TMTC1: variants seen among roughly 807,000 people sequenced by gnomAD.
TMTC1 encodes protein O-mannosyl-transferase TMTC1.
A neutral mutation model predicts 104.8 loss-of-function variants in TMTC1; 73 were observed. The ratio of observed to expected loss-of-function variants is 0.70; its 90% CI spans 0.58 to 0.85. TMTC1 has a LOEUF of 0.85. Among genes scored for constraint, TMTC1 ranks in the 40% least tolerant of loss-of-function variants. TMTC1 has a pLI of 0.00. For missense variants in TMTC1, 1,035 were observed against 1,096.1 expected (o/e 0.94, Z 0.79); for synonymous variants, 434 against 428.7 (o/e 1.01, Z -0.15).
chr12:29,722,407 T>C (rs1234145567), intron 5 of TMTC1, among the ~76,000 whole-genome samples: 2 of 152,164 alleles, frequency 1.3e-5, no homozygotes, highest in African/African-American at 4.8e-5. Context: ...GTGATGACAA[T>C]GAAATTACTT....
intron 5 of TMTC1, among the ~76,000 whole-genome samples, chr12:29,690,881 T>A (rs571242266): frequency 1.3e-5 from 2 of 152,200 alleles, no homozygotes; most frequent in African/African-American, 4.8e-5. Context: ...AAATTATAAC[T>A]GAGGAAATTA....
intron 5 of TMTC1, among the ~76,000 whole-genome samples, chr12:29,691,692 C>T (rs112531374): frequency 0.011 from 1,442 of 126,382 alleles, 129 homozygotes; most frequent in African/African-American, 0.042. Context: ...GGAAGTCATA[C>T]GGTAACAACT....
At chr12:29,716,110 C>T (rs4931213) in intron 5 of TMTC1, among the ~76,000 whole-genome samples, 59,772 of 151,284 alleles carry the variant, frequency 0.4, 12,331 homozygotes, top group African/African-American at 0.52. Flanking sequence ...CCTCGAAATC[C>T]TAGGCTCAGA....
chr12:29,567,966 G>A (rs1011729386), intron 9 of TMTC1, among the ~76,000 whole-genome samples: 5 of 152,064 alleles, frequency 3.3e-5, no homozygotes, highest in Admixed American at 2.6e-4. Context: ...CTAATGATAT[G>A]GTGTCTCTTC....
At chr12:29,724,695 G>A (rs1942333123) in intron 5 of TMTC1, among the ~76,000 whole-genome samples, 1 of 152,096 alleles carries the variant, frequency 6.6e-6, no homozygotes, top group South Asian at 2.1e-4. Context: ...CTACATATAT[G>A]TATCATATAG....
intron 11 of TMTC1, among the ~76,000 whole-genome samples, chr12:29,521,240 G>A (rs1944146764): frequency 6.6e-6 from 1 of 152,204 alleles, no homozygotes; most frequent in South Asian, 2.1e-4. Flanking sequence ...GAGGGAAGTA[G>A]AGAGGGGAGG....
At position 29,691,220 on chromosome 12, in the gene TMTC1, T is replaced by C. The variant is rs188953495; in HGVS notation, c.939-57884A>G. Among the ~76,000 whole-genome samples, 231 of 152,264 alleles carry C rather than the reference T, an allele frequency of 1.5e-3. 1 individual carries two copies. Among genetic ancestry groups the C allele is most frequent in the Non-Finnish European group, 1.9e-3 (127 of 68,028 alleles). ...TAAAACCTAAGCTCAGTGCTTGAGATATTTTGCACTTGATGCACCAGCTGA... is the reference window on the plus strand; with the variant it reads ...TAAAACCTAAGCTCAGTGCTTGAGACATTTTGCACTTGATGCACCAGCTGA... On this transcript the variant is annotated intron_variant, in intron 5 of 17. Coordinates refer to ENST00000539277, the MANE Select transcript of TMTC1 (RefSeq NM_001193451.2).
At chr12:29,573,658 T>C (rs551074402) in intron 8 of TMTC1, among the ~76,000 whole-genome samples, 1 of 152,072 alleles carries the variant, frequency 6.6e-6, no homozygotes, top group South Asian at 2.1e-4. Context: ...TAAGAAGAAA[T>C]GAAATTAGCC....
intron 5 of TMTC1, among the ~76,000 whole-genome samples, chr12:29,722,164 T>C (rs909260386): frequency 6.6e-6 from 1 of 152,234 alleles, no homozygotes; most frequent in Non-Finnish European, 1.5e-5. Context: ...TGAAAGGGTC[T>C]TGGGGAACCT....
chr12:29,639,799 G>A (rs1052734142), intron 5 of TMTC1, among the ~76,000 whole-genome samples: 2 of 152,226 alleles, frequency 1.3e-5, no homozygotes, highest in Non-Finnish European at 2.9e-5. Context: ...ATTCAGCAAT[G>A]AGAATGAATG....
chr12:29,771,919 C>A (rs1398023633), intron 1 of TMTC1, among the ~76,000 whole-genome samples: 3 of 152,190 alleles, frequency 2.0e-5, no homozygotes, highest in Admixed American at 2.0e-4. Context: ...TTTATGGCTA[C>A]ATCCACAGTG....
chr12:29,608,641 G>A (rs1266278910), intron 6 of TMTC1, among the ~76,000 whole-genome samples: 1 of 152,122 alleles, frequency 6.6e-6, no homozygotes, highest in Admixed American at 6.6e-5. Context: ...CGCTATTATA[G>A]GTGTTAGGTT....
At chr12:29,627,250 TACAACTCA>T (rs1269107631) in intron 6 of TMTC1, among the ~76,000 whole-genome samples, 1 of 152,174 alleles carries the variant, frequency 6.6e-6, no homozygotes, top group Non-Finnish European at 1.5e-5. Context: ...AATAATTCTT[TACAACTCA>T]ACAACAAAAA....
chr12:29,524,314 A>G (rs985550445), intron 11 of TMTC1, among the ~76,000 whole-genome samples: 16 of 152,216 alleles, frequency 1.1e-4, no homozygotes, highest in African/African-American at 3.9e-4. Flanking sequence ...AAAGGAGTCT[A>G]CTTGTTTTAA....
At chr12:29,660,132 A>T (rs1184690555) in intron 5 of TMTC1, 1 of 627,706 alleles carries the variant, frequency 1.6e-6, no homozygotes, top group Non-Finnish European at 2.7e-6. Context: ...ACTGACCAAC[A>T]GAACATGCAG....
At chr12:29,753,064 G>T (rs1592012415) in intron 4 of TMTC1, among the ~76,000 whole-genome samples, 1 of 152,136 alleles carries the variant, frequency 6.6e-6, no homozygotes, top group Non-Finnish European at 1.5e-5. Context: ...TAAAATTTAG[G>T]AATAAACTGC....
intron 10 of TMTC1, among the ~76,000 whole-genome samples, chr12:29,543,853 T>A (rs777223404): frequency 3.9e-5 from 6 of 152,230 alleles, no homozygotes; most frequent in Non-Finnish European, 5.9e-5. Context: ...TCTAGTTTAC[T>A]AGGGGTTCAC....
At chr12:29,643,713 A>ATATTTAT (rs1939050711) in intron 5 of TMTC1, among the ~76,000 whole-genome samples, 2 of 256 alleles carry the variant, frequency 7.8e-3, no homozygotes, top group Non-Finnish European at 0.013. Context: ...TATATTATAT[A>ATATTTAT]TATAATATAT....
At chr12:29,633,560 T>C (rs1481120516) in intron 5 of TMTC1, among the ~76,000 whole-genome samples, 4 of 152,208 alleles carry the variant, frequency 2.6e-5, no homozygotes, top group African/African-American at 9.6e-5. Context: ...GACCTTTTAA[T>C]GGTGAACAAA....
Sources: gnomAD v4.1 joint callset for allele counts (sites outside exome capture counted in the v4.1 genomes callset) on GRCh38, gnomAD v4.1.1 for gene constraint, MANE v1.5 for transcripts, NCBI Gene and HGNC (gene_info 2026-07-23, HGNC 2026-07-21) for gene names.